DAB1: variants seen among roughly 807,000 people sequenced by gnomAD.
The protein encoded by DAB1 is DAB adaptor protein 1, also known as disabled homolog 1.
A neutral mutation model predicts 64.6 loss-of-function variants in DAB1; 15 were observed. The ratio of observed to expected loss-of-function variants is 0.23; its 90% CI spans 0.16 to 0.36. DAB1 has a LOEUF of 0.36. Ranked by LOEUF, DAB1 falls within the 10% of genes least tolerant of loss-of-function variation. DAB1 has a pLI of 1.00. For missense variants in DAB1, 596 were observed against 706.7 expected (o/e 0.84, Z 1.78); for synonymous variants, 235 against 251.9 (o/e 0.93, Z 0.64).
At chr1:57,538,645 G>A (rs1011057621) in intron 7 of DAB1, among the ~76,000 whole-genome samples, 7 of 152,146 alleles carry the variant, frequency 4.6e-5, no homozygotes, top group Non-Finnish European at 1.0e-4. Flanking sequence ...CTCAGCACAT[G>A]AGAACAGAGA....
At chr1:57,402,407 C>T (rs1371445791) in intron 1 of DAB1, among the ~76,000 whole-genome samples, 1 of 152,140 alleles carries the variant, frequency 6.6e-6, no homozygotes, top group African/African-American at 2.4e-5. Flanking sequence ...CATGCTTTTA[C>T]AAAGATGTGA....
chr1:57,359,080 G>A (rs375665459), intron 1 of DAB1, among the ~76,000 whole-genome samples: 84 of 151,834 alleles, frequency 5.5e-4, no homozygotes, highest in African/African-American at 1.9e-3. Context: ...CATAGGTAAC[G>A]AATAGACAAA....
chr1:57,927,230 T>C (rs78989921), intron 5 of DAB1, among the ~76,000 whole-genome samples: 2,965 of 152,308 alleles, frequency 0.019, 66 homozygotes, highest in East Asian at 0.081. Flanking sequence ...GGCACCTATC[T>C]GCAACTCTAT....
At chr1:57,121,179 A>AGGAGAAGGT (rs1656619953) in intron 4 of DAB1, among the ~76,000 whole-genome samples, 2 of 150,784 alleles carry the variant, frequency 1.3e-5, no homozygotes, top group South Asian at 4.3e-4. Flanking sequence ...GAGGAGAAGG[A>AGGAGAAGGT]GAAGAAAGAG....
chr1:58,338,840 G>A (rs1389901983), intron 4 of DAB1, among the ~76,000 whole-genome samples: 2 of 152,142 alleles, frequency 1.3e-5, no homozygotes, highest in Non-Finnish European at 2.9e-5. Context: ...AAGGAATAAA[G>A]TTCTGATTCA....
intron 6 of DAB1, among the ~76,000 whole-genome samples, chr1:57,730,777 A>G (rs1452237676): frequency 1.3e-5 from 2 of 152,176 alleles, no homozygotes; most frequent in Non-Finnish European, 2.9e-5. Context: ...AGTAAATATC[A>G]ATTTCACACT....
At chr1:57,674,820 A>G (rs1258727038) in intron 6 of DAB1, among the ~76,000 whole-genome samples, 2 of 152,226 alleles carry the variant, frequency 1.3e-5, no homozygotes, top group Non-Finnish European at 2.9e-5. Flanking sequence ...TAACTAACAG[A>G]TAATCAGCAT....
In DAB1 at chr1:58,126,890, G is replaced by C. The variant is rs1218592106; in HGVS notation, n.387+23621C>G. Among the ~76,000 whole-genome samples the C allele has an allele frequency of 2.1e-5, 3 of 145,464 alleles. No individual in the cohort carries two copies. The East Asian group carries it at 6.4e-4, about 31-fold the overall frequency. On this transcript the variant is annotated intron_variant and non_coding_transcript_variant, in intron 5 of 20. Transcript: ENST00000485760. ...ACATTTGGGTTGGTTCCAAGTCTTT[G>C]CTATTGTGAATAATGCCGCAATAAA...
chr1:57,458,121 A>G (rs1007730059), intron 7 of DAB1, among the ~76,000 whole-genome samples: 1 of 152,144 alleles, frequency 6.6e-6, no homozygotes, highest in African/African-American at 2.4e-5. Flanking sequence ...AATACATTTC[A>G]TATGTAAGTA....
intron 5 of DAB1, among the ~76,000 whole-genome samples, chr1:58,064,116 T>C (rs1570301497): frequency 6.6e-6 from 1 of 152,024 alleles, no homozygotes; most frequent in Non-Finnish European, 1.5e-5. Context: ...GGAGAAACAG[T>C]CAGGAGCCAA....
chr1:57,568,880 G>A (rs1252664231), intron 7 of DAB1, among the ~76,000 whole-genome samples: 1 of 152,162 alleles, frequency 6.6e-6, no homozygotes, highest in African/African-American at 2.4e-5. Flanking sequence ...CAATTCCTCA[G>A]GGATCTAGAA....
At chr1:57,617,961 T>C (rs1645808506) in intron 7 of DAB1, among the ~76,000 whole-genome samples, 1 of 152,130 alleles carries the variant, frequency 6.6e-6, no homozygotes, top group Non-Finnish European at 1.5e-5. Context: ...TCCTGCTGCT[T>C]ACAAATAAGG....
chr1:57,442,869 G>T (rs1686006653), intron 7 of DAB1, among the ~76,000 whole-genome samples: 1 of 152,140 alleles, frequency 6.6e-6, no homozygotes, highest in South Asian at 2.1e-4. Context: ...TGGGGGATAG[G>T]GTCAAATTTT....
At chr1:58,044,148 G>A (rs1647190839) in intron 5 of DAB1, among the ~76,000 whole-genome samples, 1 of 152,136 alleles carries the variant, frequency 6.6e-6, no homozygotes, top group African/African-American at 2.4e-5. Flanking sequence ...TTCTTTTTGA[G>A]TTTCTGATTA....
intron 2 of DAB1, among the ~76,000 whole-genome samples, chr1:57,267,220 A>T (rs950793297): frequency 6.6e-6 from 1 of 150,854 alleles, no homozygotes; most frequent in African/African-American, 2.4e-5. Context: ...AAGGAATGCC[A>T]GTGGCCACCG....
intron 5 of DAB1, among the ~76,000 whole-genome samples, chr1:58,122,525 G>A (rs1225798080): frequency 6.6e-6 from 1 of 152,056 alleles, no homozygotes; most frequent in Non-Finnish European, 1.5e-5. Context: ...TTATAGCAAT[G>A]GGAGTTAGTA....
At chr1:57,603,075 C>G (rs910963281) in intron 7 of DAB1, among the ~76,000 whole-genome samples, 12 of 152,144 alleles carry the variant, frequency 7.9e-5, no homozygotes, top group African/African-American at 2.7e-4. Context: ...TGGGTTCAAG[C>G]GAGTCTCCTG....
At chr1:57,086,374 T>C (rs1653074426) in intron 4 of DAB1, among the ~76,000 whole-genome samples, 1 of 152,122 alleles carries the variant, frequency 6.6e-6, no homozygotes, top group South Asian at 2.1e-4. Context: ...GGCGAACAGA[T>C]GGTTACAAAT....
At chr1:57,919,788 C>T (rs1644782604) in intron 5 of DAB1, among the ~76,000 whole-genome samples, 2 of 152,088 alleles carry the variant, frequency 1.3e-5, no homozygotes, top group South Asian at 4.2e-4. Flanking sequence ...TGAGGGGGAG[C>T]CTTATTCAAT....
Sources: gnomAD v4.1 joint callset for allele counts (sites outside exome capture counted in the v4.1 genomes callset) on GRCh38, gnomAD v4.1.1 for gene constraint, MANE v1.5 for transcripts, NCBI Gene and HGNC (gene_info 2026-07-23, HGNC 2026-07-21) for gene names.